SI: variants seen among roughly 807,000 people sequenced by gnomAD.
SI encodes the protein sucrase-isomaltase.
In SI, 235 loss-of-function variants were observed where a neutral mutation model predicts 253.3. That is an observed-to-expected ratio of 0.93 (90% confidence interval 0.83 to 1.03). The LOEUF (loss-of-function observed/expected upper bound fraction) is 1.03, where lower values mean the gene tolerates loss of function less well. SI is among the 50% of genes least tolerant of loss of function. The pLI, the probability that SI is intolerant of heterozygous loss-of-function variation, is 0.00. For missense variants in SI, 2,442 were observed against 2,211.1 expected (o/e 1.10, Z -2.09); for synonymous variants, 819 against 712.0 (o/e 1.15, Z -2.39).
At chr3:165,007,479 T>C (rs554713577) in intron 36 of SI, among the ~76,000 whole-genome samples, 1 of 152,088 alleles carries the variant, frequency 6.6e-6, no homozygotes, top group Non-Finnish European at 1.5e-5. Context: ...TAGCATTCTT[T>C]CCCTTATCCT....
At chr3:165,013,299 A>G (rs981712909) in intron 33 of SI, among the ~76,000 whole-genome samples, 10 of 152,196 alleles carry the variant, frequency 6.6e-5, no homozygotes, top group Non-Finnish European at 1.3e-4. Context: ...AATTTTGAAA[A>G]TAATACATAT....
At chr3:165,041,116 T>C in intron 17 of SI, 22 bp from the exon 18 acceptor site, 1 of 1,609,300 alleles carries the variant, frequency 6.2e-7, no homozygotes, top group South Asian at 1.1e-5. Context: ...AAAGAGAAAT[T>C]AAAATAAGAA....
At chr3:164,994,522 C>G in intron 40 of SI, 117 bp from the exon 41 acceptor site, 1 of 1,044,258 alleles carries the variant, frequency 9.6e-7, no homozygotes, top group Non-Finnish European at 1.5e-6. Context: ...TTGTCATGTG[C>G]TATGTACTTT....
chr3:165,004,031 T>C (rs1553770489), intron 37 of SI, among the ~76,000 whole-genome samples: 1 of 151,884 alleles, frequency 6.6e-6, no homozygotes, highest in Non-Finnish European at 1.5e-5. Context: ...TGGGAGAAAA[T>C]ATTTGCAAAA....
At position 164,994,069 on chromosome 3, in the gene SI, T is replaced by C. The variant is rs183212573; in HGVS notation, c.4841+188A>G. Among the ~76,000 whole-genome samples the C allele has an allele frequency of 2.9e-3, 436 of 151,938 alleles. 5 individuals are homozygous for C. The highest frequency in any genetic ancestry group is 0.01 in the African/African-American group (419 of 41,568). ...CTAATTAATGTGGTTCATTCTTTAA[T>C]GGCTTATGCTAGTCTATTTATTAAT... is the stretch of plus-strand genomic sequence containing the variant. On this transcript the variant is annotated intron_variant, in intron 41 of 47. Coordinates refer to ENST00000264382, the MANE Select transcript of SI (RefSeq NM_001041.4).
intron 19 of SI, among the ~76,000 whole-genome samples, chr3:165,039,377 A>G (rs898584030): frequency 3.9e-5 from 6 of 151,914 alleles, no homozygotes; most frequent in Non-Finnish European, 8.8e-5. Flanking sequence ...TAATGCATGC[A>G]TATATGTGTA....
intron 15 of SI, 112 bp downstream of exon 15, chr3:165,049,015 A>G (rs1196271162): frequency 5.6e-6 from 3 of 533,992 alleles, no homozygotes; most frequent in South Asian, 5.6e-5. Flanking sequence ...ATAAAATATT[A>G]TCTTTCTTTT....
the SI span, among the ~76,000 whole-genome samples, chr3:165,086,860 ACT>A: frequency 6.6e-6 from 1 of 152,074 alleles, no homozygotes; most frequent in African/African-American, 2.4e-5. Context: ...GAGTGTGGAA[ACT>A]CTGTCAGCCA....
rs376345464 is a variant in SI at position 165,028,304 on chromosome 3, C to G, written c.2892+2408G>C. On this transcript the variant is annotated intron_variant, in intron 25 of 47. Coordinates refer to ENST00000264382, the MANE Select transcript of SI (RefSeq NM_001041.4). ...TGAAAGAAATTATAGATGACACAGA[C>G]GGAAACACATCCCATGCTCATGGAT... Among the ~76,000 whole-genome samples, 3 of 150,640 alleles carry G rather than the reference C, an allele frequency of 2.0e-5. No individual in the cohort carries two copies. The South Asian group carries it at 6.2e-4, about 31-fold the overall frequency.
intron 33 of SI, among the ~76,000 whole-genome samples, chr3:165,014,185 C>T (rs764922129): frequency 3.9e-5 from 6 of 152,052 alleles, no homozygotes; most frequent in African/African-American, 4.8e-5. Flanking sequence ...TAATTTTGGC[C>T]CAAGATTCAA....
At chr3:164,996,860 T>C in intron 38 of SI, 88 bp from the exon 39 acceptor site, 1 of 679,852 alleles carries the variant, frequency 1.5e-6, no homozygotes, top group Non-Finnish European at 2.3e-6. Context: ...TGATGTTCTG[T>C]TTTTAATATC....
rs570127119 is a variant in SI at position 165,019,579 on chromosome 3, A to G, written c.3423+23T>C. ...ACTCATGGTCTTAGTTGCCTCGTGG[A>G]GTGGTCATATGTTGGTACCTACACC... On this transcript the variant is annotated intron_variant, in intron 28 of 47. Transcript: ENST00000264382. The G allele has an allele frequency of 3.5e-5, 56 of 1,608,560 alleles. No homozygotes were observed. In the South Asian group the frequency reaches 5.6e-4, roughly 16 times the overall value.
chr3:165,030,922 AAAACATT>A (rs1379124641), intron 24 of SI, 55 bp from the exon 25 acceptor site: 168 of 1,512,210 alleles, frequency 1.1e-4, no homozygotes, highest in Non-Finnish European at 1.5e-4. Context: ...CAAACAAACA[AAAACATT>A]AAACACTGTA....
At chr3:164,990,401 A>T (rs1717674770) in intron 44 of SI, among the ~76,000 whole-genome samples, 1 of 152,074 alleles carries the variant, frequency 6.6e-6, no homozygotes, top group Non-Finnish European at 1.5e-5. Flanking sequence ...CATATTATAG[A>T]CAGAGATCAT....
At chr3:165,026,681 T>C (rs995195170) in intron 25 of SI, among the ~76,000 whole-genome samples, 4 of 151,324 alleles carry the variant, frequency 2.6e-5, no homozygotes, top group Admixed American at 1.3e-4. Context: ...TTCAAAACCA[T>C]GCAAATACAT....
upstream of SI, chr3:165,078,597 A>G (rs368067997): frequency 3.1e-4 from 47 of 151,984 alleles, no homozygotes; most frequent in East Asian, 3.3e-3. Context: ...TCAACATACA[A>G]TTGTTAAAAG....
intron 16 of SI, among the ~76,000 whole-genome samples, chr3:165,043,455 A>G (rs1712957152): frequency 6.6e-6 from 1 of 151,652 alleles, no homozygotes; most frequent in African/African-American, 2.4e-5. Context: ...TCATTAATTC[A>G]TTGTAAAAGA....
At chr3:165,077,442 T>C (rs369774893) in intron 1 of SI, among the ~76,000 whole-genome samples, 1 of 151,784 alleles carries the variant, frequency 6.6e-6, no homozygotes, top group African/African-American at 2.4e-5. Flanking sequence ...CAGAGAATAA[T>C]ATTAAGTAAG....
rs1031890470 is a variant in SI at position 165,018,261 on chromosome 3, A to T, written c.3424-195T>A. Among the ~76,000 whole-genome samples the T allele has an allele frequency of 4.6e-5, 7 of 151,242 alleles. No individual in the cohort carries two copies. In the Admixed American group the frequency reaches 4.6e-4, roughly 10 times the overall value. ...GTTTAAATTTTTTCTGCTTTCGTGC[A>T]GTTTACAAATATGTTTCTATAATAT... On this transcript the variant is annotated intron_variant, in intron 28 of 47. Coordinates refer to ENST00000264382, the MANE Select transcript of SI (RefSeq NM_001041.4).
Sources: allele counts gnomAD v4.1 joint callset (sites outside exome capture counted in the v4.1 genomes callset), GRCh38; gene constraint gnomAD v4.1.1; transcripts MANE v1.5; gene names NCBI Gene and HGNC (gene_info 2026-07-23, HGNC 2026-07-21).